ANKRD60: variants seen among roughly 807,000 people sequenced by gnomAD.
The protein encoded by ANKRD60 is ankyrin repeat domain-containing protein 60.
A neutral mutation model predicts 21.3 loss-of-function variants in ANKRD60; 24 were observed. The ratio of observed to expected loss-of-function variants is 1.13; its 90% CI spans 0.82 to 1.59. ANKRD60 has a LOEUF of 1.59. Among genes scored for constraint, ANKRD60 ranks in the 40% most tolerant of loss-of-function variants. The probability of loss-of-function intolerance (pLI) is 0.00; values close to 1 mark genes in which losing one functional copy is unlikely to be tolerated. For synonymous variants in ANKRD60, 182 were observed against 199.4 expected, an observed-to-expected ratio of 0.91 and a Z score of 0.74; for missense variants, 490 against 466.7, an observed-to-expected ratio of 1.05 and a Z score of -0.46.
intron 2 of ANKRD60, 33 bp downstream of exon 2, chr20:58,223,019 G>T: frequency 6.5e-7 from 1 of 1,536,382 alleles, no homozygotes; most frequent in South Asian, 1.2e-5. Context: ...GCTTCGTAAC[G>T]TATAATATCC....
At chr20:58,219,877 T>C (rs1250392837) in intron 3 of ANKRD60, among the ~76,000 whole-genome samples, 2 of 152,192 alleles carry the variant, frequency 1.3e-5, no homozygotes, top group African/African-American at 4.8e-5. Context: ...TGACTTTTTA[T>C]GAGCTTAAAG....
intron 3 of ANKRD60, 72 bp from the exon 4 acceptor site, chr20:58,218,877 AG>A: frequency 7.1e-7 from 1 of 1,405,322 alleles, no homozygotes; most frequent in Non-Finnish European, 9.5e-7. Flanking sequence ...AGGGCTGTGA[AG>A]GGAGTGCTCC....
chr20:58,218,218 C>A (rs570315068), downstream of ANKRD60, among the ~76,000 whole-genome samples: 1 of 152,302 alleles, frequency 6.6e-6, no homozygotes, highest in South Asian at 2.1e-4. Flanking sequence ...TCCCATCACC[C>A]TGAGCAGCGC....
At chr20:58,219,708 G>C (rs1344319663) in intron 3 of ANKRD60, among the ~76,000 whole-genome samples, 1 of 152,210 alleles carries the variant, frequency 6.6e-6, no homozygotes, top group Non-Finnish European at 1.5e-5. Context: ...GCTCCGGCTG[G>C]TTGGTGAGGT....
At chr20:58,225,031 G>T (rs1012118075) in intron 1 of ANKRD60, among the ~76,000 whole-genome samples, 2 of 152,172 alleles carry the variant, frequency 1.3e-5, no homozygotes, top group African/African-American at 2.4e-5. Flanking sequence ...GGCCTCAGAG[G>T]ATTATTTATA....
At chr20:58,221,373 C>T in exon 3 of ANKRD60, 2 of 1,552,044 alleles carry the variant, frequency 1.3e-6, no homozygotes, top group Non-Finnish European at 1.7e-6. Context: ...ATCAAAGTGG[C>T]CTCTGTGTGA....
chr20:58,217,263 T>C (rs1600680942), downstream of ANKRD60, among the ~76,000 whole-genome samples: 1 of 152,136 alleles, frequency 6.6e-6, no homozygotes, highest in Admixed American at 6.5e-5. Context: ...ACCCCATCTC[T>C]ACTAAAAATA....
At chr20:58,218,738 C>T in exon 4 of ANKRD60, 1 of 1,551,590 alleles carries the variant, frequency 6.4e-7, no homozygotes, top group Non-Finnish European at 8.7e-7. Context: ...TACAGTCTGA[C>T]CGGCCCATAG....
exon 4 of ANKRD60, chr20:58,218,669 G>T: frequency 3.2e-6 from 5 of 1,551,754 alleles, no homozygotes; most frequent in East Asian, 2.4e-5. Flanking sequence ...TGGAGATGGG[G>T]GTCTCCCCCT....
At chr20:58,223,551 G>A (rs764184814) in intron 1 of ANKRD60, among the ~76,000 whole-genome samples, 12 of 152,236 alleles carry the variant, frequency 7.9e-5, no homozygotes, top group African/African-American at 1.2e-4. Context: ...ACAGCACAAT[G>A]TGGTTATACA....
Position 58,228,230 on chromosome 20 carries a change from C to G in ANKRD60, c.424G>C (p.Asp142His). 3 of 1,547,506 alleles carry G rather than the reference C, an allele frequency of 1.9e-6. No homozygotes were observed. Among genetic ancestry groups the G allele is most frequent in the African/African-American group, 2.7e-5 (2 of 73,016 alleles). Residue 142 changes from aspartate (D) to histidine (H), a missense_variant, in exon 1 of 4, where the codon GAC (aspartate) becomes CAC (histidine). Coordinates refer to ENST00000457363, the Ensembl canonical transcript of ANKRD60. This position sits in a 1 kb window ranked among gnomAD's most constrained non-coding sequence, Gnocchi z 5.3. ...GAGTCAGGGCAGGAGCCACCTTCGT[C>G]GAGGTACTGGAGCCGCTGGAGGTTG... is the stretch of plus-strand genomic sequence containing the variant.
exon 4 of ANKRD60, chr20:58,218,794 G>A: frequency 6.5e-7 from 1 of 1,536,962 alleles, no homozygotes; most frequent in South Asian, 1.2e-5. Context: ...GATCTGCTGA[G>A]GCAGCTGGCT....
At chr20:58,216,368 T>C (rs1049222925), downstream of ANKRD60, among the ~76,000 whole-genome samples, 6 of 152,096 alleles carry the variant, frequency 3.9e-5, no homozygotes, top group Admixed American at 6.5e-5. Context: ...ATTTTACATA[T>C]AGGAGTCAAG....
At chr20:58,223,104 T>G in exon 2 of ANKRD60, 7 of 1,551,904 alleles carry the variant, frequency 4.5e-6, no homozygotes, top group Non-Finnish European at 6.1e-6. Context: ...CCATCCGTCA[T>G]GATGCCAGAT....
At chr20:58,221,588 G>T in intron 2 of ANKRD60, 85 bp from the exon 3 acceptor site, 1 of 1,421,206 alleles carries the variant, frequency 7.0e-7, no homozygotes, top group Non-Finnish European at 9.5e-7. Context: ...CTCAGGGGAA[G>T]GCTTGCTTGA....
At chr20:58,219,035 G>A (rs1731409091) in intron 3 of ANKRD60, among the ~76,000 whole-genome samples, 2 of 152,100 alleles carry the variant, frequency 1.3e-5, no homozygotes, top group Non-Finnish European at 2.9e-5. Context: ...GTGGGGTGAT[G>A]TTCTAGGTCT....
At chr20:58,224,267 C>A (rs1414772213) in intron 1 of ANKRD60, among the ~76,000 whole-genome samples, 1 of 152,168 alleles carries the variant, frequency 6.6e-6, no homozygotes, top group African/African-American at 2.4e-5. Flanking sequence ...AGCAATGCCA[C>A]CAACATCGAG....
chr20:58,221,234 C>G, intron 3 of ANKRD60, 104 bp downstream of exon 3: 1 of 1,269,502 alleles, frequency 7.9e-7, no homozygotes, highest in South Asian at 1.5e-5. Context: ...AGACACAGGT[C>G]CAGGAAACCA....
At chr20:58,221,465 T>C in exon 3 of ANKRD60, 9 of 1,551,922 alleles carry the variant, frequency 5.8e-6, no homozygotes, top group Non-Finnish European at 7.8e-6. Context: ...AATTTGCGGT[T>C]CGGTAGAAGG....
Sources: allele counts gnomAD v4.1 joint callset (sites outside exome capture counted in the v4.1 genomes callset), GRCh38; gene constraint gnomAD v4.1.1; non-coding constraint Gnocchi (gnomAD v3.1); transcripts MANE v1.5; gene names NCBI Gene and HGNC (gene_info 2026-07-23, HGNC 2026-07-21).